Variants in ACSS3 observed in about 807,000 individuals in gnomAD.
The protein encoded by ACSS3 is acyl-CoA synthetase short-chain family member 3, mitochondrial.
In ACSS3, 64 loss-of-function variants were observed where a neutral mutation model predicts 84.2. The observed-to-expected ratio is 0.76, with a 90% confidence interval of 0.62 to 0.94. The LOEUF is 0.94. Ranked by LOEUF, ACSS3 falls within the 40% of genes least tolerant of loss-of-function variation. The probability of loss-of-function intolerance (pLI) is 0.00; values close to 1 mark genes in which losing one functional copy is unlikely to be tolerated. For synonymous variants in ACSS3, 317 were observed against 310.1 expected, an observed-to-expected ratio of 1.02 and a Z score of -0.23; for missense variants, 815 against 867.6, an observed-to-expected ratio of 0.94 and a Z score of 0.76.
chr12:81,150,564 G>A (rs549526099), intron 5 of ACSS3, among the ~76,000 whole-genome samples: 1 of 152,310 alleles, frequency 6.6e-6, no homozygotes, highest in South Asian at 2.1e-4. Context: ...ATGTTCCCAT[G>A]GAGATCAACA....
chr12:81,112,787 T>C (rs2121514952), intron 2 of ACSS3, among the ~76,000 whole-genome samples: 1 of 152,182 alleles, frequency 6.6e-6, no homozygotes, highest in East Asian at 1.9e-4. Flanking sequence ...CTTGTTTTAC[T>C]CTCCCATGTT....
Position 81,254,837 on chromosome 12 carries a change from G to C in ACSS3, c.1996-20G>C, listed in dbSNP as rs760157957. On this transcript the variant is annotated intron_variant, in intron 15 of 15. Coordinates refer to ENST00000548058, the MANE Select transcript of ACSS3 (RefSeq NM_024560.4). Reference sequence around the variant, plus strand: ...GAAATTCAAGGAAGAGTATTCACCTGACCCTAATTTTTTTTCCAGATAACT... The same window carrying C: ...GAAATTCAAGGAAGAGTATTCACCTCACCCTAATTTTTTTTCCAGATAACT... 7 of 1,592,748 alleles carry C rather than the reference G, an allele frequency of 4.4e-6. No homozygotes were observed. Among genetic ancestry groups the C allele is most frequent in the Non-Finnish European group, 5.1e-6 (6 of 1,167,056 alleles).
intron 13 of ACSS3, among the ~76,000 whole-genome samples, chr12:81,248,633 C>A (rs1161065933): frequency 6.6e-6 from 1 of 151,844 alleles, no homozygotes; most frequent in East Asian, 1.9e-4. Context: ...GGAATAAGTT[C>A]TAATATTCAG....
intron 1 of ACSS3, among the ~76,000 whole-genome samples, chr12:81,080,748 T>C (rs1880919083): frequency 6.6e-6 from 1 of 152,208 alleles, no homozygotes; most frequent in African/African-American, 2.4e-5. Flanking sequence ...TTTTATTTTG[T>C]TTGGCTTTAT....
intron 11 of ACSS3, among the ~76,000 whole-genome samples, chr12:81,222,496 T>A (rs1344142972): frequency 1.3e-5 from 2 of 152,086 alleles, no homozygotes; most frequent in Non-Finnish European, 2.9e-5. Flanking sequence ...CTTATCAACT[T>A]AAAAAGGATT....
intron 5 of ACSS3, among the ~76,000 whole-genome samples, chr12:81,146,253 C>A (rs1886335935): frequency 6.6e-6 from 1 of 152,102 alleles, no homozygotes; most frequent in Non-Finnish European, 1.5e-5. Flanking sequence ...AGTAAGCCAG[C>A]TTCTTGGACA....
intron 7 of ACSS3, among the ~76,000 whole-genome samples, chr12:81,154,152 G>C (rs557961872): frequency 6.6e-5 from 10 of 152,244 alleles, no homozygotes; most frequent in African/African-American, 2.4e-4. Flanking sequence ...TTCTCTTGAA[G>C]TAAACAAAAT....
intron 13 of ACSS3, among the ~76,000 whole-genome samples, chr12:81,239,352 A>AG (rs1356329576): frequency 6.6e-5 from 10 of 152,052 alleles, no homozygotes; most frequent in Non-Finnish European, 1.3e-4. Context: ...TTCAGAGACA[A>AG]GGAAAAAACA....
intron 13 of ACSS3, among the ~76,000 whole-genome samples, chr12:81,241,881 T>G (rs568011605): frequency 1.3e-5 from 2 of 152,346 alleles, no homozygotes; most frequent in African/African-American, 2.4e-5. Flanking sequence ...TTGCCATTAC[T>G]TTTGGTGTTT....
chr12:81,146,466 T>C (rs1232123588), intron 5 of ACSS3, among the ~76,000 whole-genome samples: 1 of 152,224 alleles, frequency 6.6e-6, no homozygotes, highest in Non-Finnish European at 1.5e-5. Flanking sequence ...AAAATAATGT[T>C]GTGAGCTCAT....
chr12:81,231,156 C>T lies in ACSS3; in HGVS notation c.1596+18C>T, dbSNP rs2033447421. On this transcript the variant is annotated intron_variant, in intron 12 of 15. Transcript: ENST00000548058. ...AATTTCCTGTAAGAACTTTAATATG[C>T]TTTTTTATCTTCTTATGTACTTTTC... 1 of 1,542,928 alleles carries T rather than the reference C, an allele frequency of 6.5e-7. No homozygotes were observed. Among genetic ancestry groups the T allele is most frequent in the Middle Eastern group, 1.7e-4 (1 of 5,788 alleles).
intron 4 of ACSS3, among the ~76,000 whole-genome samples, chr12:81,139,645 A>AT (rs1205935894): frequency 3.4e-5 from 5 of 146,864 alleles, no homozygotes; most frequent in Middle Eastern, 3.3e-3. Flanking sequence ...AATTATTGTT[A>AT]TTTTTTTTTG....
At chr12:81,236,835 C>CTTGGT (rs1270714329) in intron 13 of ACSS3, among the ~76,000 whole-genome samples, 1 of 151,112 alleles carries the variant, frequency 6.6e-6, no homozygotes, top group African/African-American at 2.4e-5. Context: ...ATGGTTATTG[C>CTTGGT]TTGGTTTTTA....
chr12:81,083,731 G>A (rs1276954261), intron 1 of ACSS3, among the ~76,000 whole-genome samples: 1 of 152,022 alleles, frequency 6.6e-6, no homozygotes, highest in Non-Finnish European at 1.5e-5. Flanking sequence ...CAGCACTTTG[G>A]GAGGCTGAGG....
chr12:81,233,078 AAG>A (rs2033518043), intron 12 of ACSS3, among the ~76,000 whole-genome samples: 1 of 151,778 alleles, frequency 6.6e-6, no homozygotes, highest in African/African-American at 2.4e-5. Context: ...CCATTAAAAA[AAG>A]AAATTGGATT....
chr12:81,175,940 G>A (rs2030440257), intron 8 of ACSS3, among the ~76,000 whole-genome samples: 2 of 151,974 alleles, frequency 1.3e-5, no homozygotes, highest in African/African-American at 4.8e-5. Context: ...ACACCCCGAG[G>A]AACTAGAAAA....
intron 7 of ACSS3, among the ~76,000 whole-genome samples, chr12:81,164,133 A>G (rs1313444838): frequency 6.6e-6 from 1 of 152,160 alleles, no homozygotes; most frequent in African/African-American, 2.4e-5. Flanking sequence ...TAAGTGCCCT[A>G]TGTAGGTGTA....
chr12:81,114,899 T>C (rs1883909923), intron 2 of ACSS3, among the ~76,000 whole-genome samples: 1 of 152,138 alleles, frequency 6.6e-6, no homozygotes, highest in Non-Finnish European at 1.5e-5. Context: ...CAGAAGCCCT[T>C]GTTGTGCCTC....
At chr12:81,191,071 A>G (rs961088076) in intron 8 of ACSS3, among the ~76,000 whole-genome samples, 7 of 152,038 alleles carry the variant, frequency 4.6e-5, no homozygotes, top group African/African-American at 1.7e-4. Context: ...TCTTGTGGAA[A>G]GTTCAGAGCT....
Sources: gnomAD v4.1 joint callset for allele counts (sites outside exome capture counted in the v4.1 genomes callset) on GRCh38, gnomAD v4.1.1 for gene constraint, MANE v1.5 for transcripts, NCBI Gene and HGNC (gene_info 2026-07-23, HGNC 2026-07-21) for gene names.